XPR1: variants seen among roughly 807,000 people sequenced by gnomAD.
The protein encoded by XPR1 is xenotropic and polytropic retrovirus receptor 1.
A neutral mutation model predicts 87.5 loss-of-function variants in XPR1; 28 were observed. The observed-to-expected ratio is 0.32, with a 90% CI of 0.24 to 0.44. The LOEUF is 0.44. Ranked by LOEUF, XPR1 falls within the 20% of genes least tolerant of loss-of-function variation. XPR1 has a pLI of 1.00. For synonymous variants in XPR1, 300 were observed against 306.1 expected, an observed-to-expected ratio of 0.98 and a Z score of 0.21; for missense variants, 559 against 862.3, an observed-to-expected ratio of 0.65 and a Z score of 4.41.
At chr1:180,828,521 A>G (rs1419219861) in intron 9 of XPR1, among the ~76,000 whole-genome samples, 3 of 152,198 alleles carry the variant, frequency 2.0e-5, no homozygotes, top group Non-Finnish European at 4.4e-5. Flanking sequence ...ATTTTAAATT[A>G]TAGTCCTTTG....
At chr1:180,732,813 G>C (rs1057350712) in intron 2 of XPR1, among the ~76,000 whole-genome samples, 1 of 152,226 alleles carries the variant, frequency 6.6e-6, no homozygotes, top group African/African-American at 2.4e-5. Flanking sequence ...CTGTATCCCA[G>C]TTCTTACCTT....
intron 11 of XPR1, among the ~76,000 whole-genome samples, chr1:180,846,429 T>C (rs1001301326): frequency 1.4e-5 from 2 of 146,744 alleles, no homozygotes; most frequent in African/African-American, 5.2e-5. Context: ...TTGTTTGTTT[T>C]TGTTTTTGTT....
intron 7 of XPR1, among the ~76,000 whole-genome samples, chr1:180,815,092 GGTT>G (rs1310356726): frequency 3.3e-5 from 5 of 151,792 alleles, no homozygotes; most frequent in Admixed American, 2.6e-4. Flanking sequence ...ATATGGTGGG[GGTT>G]GTTCTTTCTA....
At position 180,886,699 on chromosome 1, in the gene XPR1, G is replaced by A. The variant is rs373199472; in HGVS notation, c.*2633G>A. On this transcript the variant is annotated 3_prime_UTR_variant, in exon 15 of 15. Transcript: ENST00000367590. ...CTCTTAAAGCTGTAAAGAGAAAAGA[G>A]GACTTTTCCTCATCAAGAGAGCTTG... The A allele has an allele frequency of 4.6e-5, 7 of 152,134 alleles. No individual in the cohort carries two copies. Among genetic ancestry groups the A allele is most frequent in the African/African-American group, 1.7e-4 (7 of 41,408 alleles). The allele number at this position is 152,134 out of a possible 1,614,324, so 9.4% of individuals were successfully genotyped here.
At chr1:180,766,260 T>G (rs1648282593) in intron 2 of XPR1, among the ~76,000 whole-genome samples, 1 of 152,156 alleles carries the variant, frequency 6.6e-6, no homozygotes, top group East Asian at 1.9e-4. Flanking sequence ...AAGTAAGAGA[T>G]ATTTTCTGTA....
chr1:180,639,095 G>A (rs1327233008), intron 1 of XPR1, among the ~76,000 whole-genome samples: 2 of 152,184 alleles, frequency 1.3e-5, no homozygotes, highest in East Asian at 1.9e-4. Flanking sequence ...TCAGGAGTTC[G>A]AGACCAGCCT....
At chr1:180,667,890 CTTT>C (rs111687523) in intron 1 of XPR1, among the ~76,000 whole-genome samples, 6,519 of 152,064 alleles carry the variant, frequency 0.043, 496 homozygotes, top group African/African-American at 0.15. Context: ...TCACAGTACT[CTTT>C]TATAATACTT....
At chr1:180,651,108 CTT>C (rs111392505) in intron 1 of XPR1, among the ~76,000 whole-genome samples, 10 of 142,648 alleles carry the variant, frequency 7.0e-5, no homozygotes, top group Admixed American at 1.4e-4. Flanking sequence ...GAATCCATTT[CTT>C]TTTTTTTTTT....
chr1:180,785,005 G>T (rs561583221), intron 2 of XPR1, among the ~76,000 whole-genome samples: 3 of 111,298 alleles, frequency 2.7e-5, no homozygotes, highest in African/African-American at 1.1e-4. Flanking sequence ...TTTCGTGTGT[G>T]TGTGTTTGTG....
At chr1:180,806,701 T>G in intron 6 of XPR1, 144 bp downstream of exon 6, 2 of 573,892 alleles carry the variant, frequency 3.5e-6, no homozygotes, top group Non-Finnish European at 6.0e-6. Flanking sequence ...TTTTAAACAT[T>G]ATATGCTATA....
At chr1:180,720,949 AG>A (rs1269811946) in intron 2 of XPR1, among the ~76,000 whole-genome samples, 2 of 152,168 alleles carry the variant, frequency 1.3e-5, no homozygotes, top group Non-Finnish European at 2.9e-5. Flanking sequence ...CAAATTTAGA[AG>A]GAGGCCAGGC....
rs142652503 is a variant in XPR1 at position 180,859,590 on chromosome 1, G to T, written c.1502-4118G>T. Among the ~76,000 whole-genome samples the T allele has an allele frequency of 6.6e-3, 1,009 of 152,248 alleles. 7 individuals are homozygous for T. Among genetic ancestry groups the T allele is most frequent in the African/African-American group, 0.022 (918 of 41,540 alleles). ...CATTCTTCACTTGAGAGATGGGAAA[G>T]ATCAAATAATGGTAGTAATTAAAAT... On this transcript the variant is annotated intron_variant, in intron 11 of 14. Transcript: ENST00000367590.
At chr1:180,661,086 T>A (rs1655755953) in intron 1 of XPR1, among the ~76,000 whole-genome samples, 1 of 152,194 alleles carries the variant, frequency 6.6e-6, no homozygotes, top group African/African-American at 2.4e-5. Context: ...TTGACCTTCT[T>A]ATTATATAGT....
intron 11 of XPR1, among the ~76,000 whole-genome samples, chr1:180,857,474 A>T (rs1206107505): frequency 6.6e-6 from 1 of 152,118 alleles, no homozygotes; most frequent in Admixed American, 6.5e-5. Flanking sequence ...GGTACTCTTT[A>T]TTGAATGAAT....
At chr1:180,686,872 T>C (rs1230958733) in intron 2 of XPR1, among the ~76,000 whole-genome samples, 1 of 152,182 alleles carries the variant, frequency 6.6e-6, no homozygotes, top group Non-Finnish European at 1.5e-5. Flanking sequence ...CAAACCATTC[T>C]GAATTAAAAA....
intron 14 of XPR1, among the ~76,000 whole-genome samples, chr1:180,880,837 A>G (rs1010105861): frequency 2.1e-4 from 14 of 67,860 alleles, no homozygotes; most frequent in Non-Finnish European, 4.2e-4. Context: ...AATACCTACA[A>G]CAATATTTTT....
At chr1:180,656,664 TTATATTATA>T (rs1346433689) in intron 1 of XPR1, among the ~76,000 whole-genome samples, 1 of 126,418 alleles carries the variant, frequency 7.9e-6, no homozygotes, top group East Asian at 2.1e-4. Context: ...AATATATAAT[TTATATTATA>T]TATAATTATA....
At position 180,884,736 on chromosome 1, in the gene XPR1, T is replaced by C. The variant is rs1571260217; in HGVS notation, c.*670T>C. ...ACAGAATGATATAACTCCTGTGCAA[T>C]GAAGGTGATAACAGTAAAAGAAGGC... On this transcript the variant is annotated 3_prime_UTR_variant, in exon 15 of 15. Transcript: ENST00000367590. 6.6e-6 allele frequency: 1 copy of C among 152,650 alleles called. No individual in the cohort carries two copies. The highest frequency in any genetic ancestry group is 6.5e-5 in the Admixed American group (1 of 15,284). The allele number at this position is 152,650 out of a possible 1,614,324, so 9.5% of individuals were successfully genotyped here.
chr1:180,665,022 C>T (rs756063280), intron 1 of XPR1, among the ~76,000 whole-genome samples: 3 of 152,182 alleles, frequency 2.0e-5, no homozygotes, highest in Non-Finnish European at 4.4e-5. Context: ...TATATTCATC[C>T]ATTCTCACAC....
Sources: gnomAD v4.1 joint callset for allele counts (sites outside exome capture counted in the v4.1 genomes callset) on GRCh38, gnomAD v4.1.1 for gene constraint, MANE v1.5 for transcripts, NCBI Gene and HGNC (gene_info 2026-07-23, HGNC 2026-07-21) for gene names.